Variants in SLIT3 observed in about 807,000 individuals in gnomAD.
SLIT3 encodes slit homolog 3 protein.
A neutral mutation model predicts 184.0 loss-of-function variants in SLIT3; 68 were observed. That is an observed-to-expected ratio of 0.37 (90% CI 0.30 to 0.45). The LOEUF (loss-of-function observed/expected upper bound fraction) is 0.45. SLIT3 is among the 20% of genes least tolerant of loss of function. SLIT3 has a pLI of 1.00. For synonymous variants in SLIT3, 831 were observed against 828.6 expected (o/e 1.00, Z -0.05); for missense variants, 1,707 against 2,026.0 (o/e 0.84, Z 3.02).
At position 168,962,395 on chromosome 5, in the gene SLIT3, A is replaced by G. The variant is rs112784201; in HGVS notation, c.414-79059T>C. 5.6e-3 allele frequency among the ~76,000 whole-genome samples: 846 copies of G among 152,044 alleles called. 6 individuals are homozygous for G. The highest frequency in any genetic ancestry group is 0.019 in the African/African-American group (803 of 41,452). On this transcript the variant is annotated intron_variant, in intron 4 of 35. Transcript: ENST00000519560. ...TCAGAGACTTTTTCCCCAGACAAAT[A>G]ATGATTTATGGGAGGCTGTTCTGTT... is the stretch of plus-strand genomic sequence containing the variant.
rs187046130 is a variant in SLIT3, at chr5:168,898,349, C to T, written c.414-15013G>A. 2.2e-3 allele frequency among the ~76,000 whole-genome samples: 330 copies of T among 151,466 alleles called. 3 individuals are homozygous for T. Among genetic ancestry groups the T allele is most frequent in the African/African-American group, 7.6e-3 (314 of 41,284 alleles). On this transcript the variant is annotated intron_variant, in intron 4 of 35. Transcript: ENST00000519560. ...AGAAAAGTGGCAGGAAGTGGTCCCC[C>T]GGGATGTCAGGCACAGATGAATCTA...
At chr5:169,075,324 C>T (rs188433) in intron 4 of SLIT3, among the ~76,000 whole-genome samples, 106,113 of 152,050 alleles carry the variant, frequency 0.7, 37,541 homozygotes, top group East Asian at 0.84. Flanking sequence ...TGTATTTTTC[C>T]TGAAGCAACA....
chr5:168,788,088 G>A (rs1701198448), intron 11 of SLIT3, among the ~76,000 whole-genome samples: 1 of 151,922 alleles, frequency 6.6e-6, no homozygotes, highest in Non-Finnish European at 1.5e-5. Flanking sequence ...CTTTTCCTAC[G>A]AGACAGGAAG....
At position 168,722,924 on chromosome 5, in the gene SLIT3, TG is replaced by T. The variant is rs777933399; in HGVS notation, c.2411+8del. On this transcript the variant is annotated splice_region_variant and intron_variant, in intron 22 of 35. Coordinates refer to ENST00000519560, the MANE Select transcript of SLIT3 (RefSeq NM_003062.4). Reference sequence around the variant, plus strand: ...GGGCATGGTAAACACAGCATCTCAGTGTACTCACAGAGTGGAGAGGTGAGAC... The same window carrying T: ...GGGCATGGTAAACACAGCATCTCAGTTACTCACAGAGTGGAGAGGTGAGAC... 3.1e-6 allele frequency: 5 copies of T among 1,603,030 alleles called. No individual in the cohort carries two copies. Among genetic ancestry groups the T allele is most frequent in the Non-Finnish European group, 4.3e-6 (5 of 1,169,836 alleles).
intron 4 of SLIT3, among the ~76,000 whole-genome samples, chr5:168,949,035 A>T (rs555716711): frequency 7.9e-5 from 12 of 152,176 alleles, no homozygotes; most frequent in African/African-American, 2.9e-4. Context: ...GCCTATGCCC[A>T]CCCCACCTCT....
chr5:169,277,809 G>A (rs545813613), intron 1 of SLIT3, among the ~76,000 whole-genome samples: 3 of 152,264 alleles, frequency 2.0e-5, no homozygotes, highest in South Asian at 2.1e-4. Flanking sequence ...GTAGTCCTAC[G>A]TTTAAATTTT....
intron 16 of SLIT3, 91 bp from the exon 17 acceptor site, chr5:168,754,098 C>T (rs1192412541): frequency 2.1e-6 from 3 of 1,395,512 alleles, no homozygotes; most frequent in South Asian, 2.7e-5. Flanking sequence ...CTGCTGGGGA[C>T]TCTCTGGGGC....
In SLIT3 at chr5:169,035,647, G is replaced by GAAAAA. The variant is rs201819555; in HGVS notation, c.414-152316_414-152312dup. ...CTGGGTGACAGTGAGACTGCATCTG[G>GAAAAA]AAAAAAAAAAAAAAAAAAAAGAATT... is the stretch of plus-strand genomic sequence containing the variant. On this transcript the variant is annotated intron_variant, in intron 4 of 35. Transcript: ENST00000519560. Among the ~76,000 whole-genome samples, 410 of 103,544 alleles carry GAAAAA rather than the reference G, an allele frequency of 4.0e-3. 3 individuals carry two copies. Among genetic ancestry groups the GAAAAA allele is most frequent in the African/African-American group, 0.013 (347 of 27,374 alleles). The allele number at this position is 103,544 out of a possible 152,430, so 67.9% of individuals were successfully genotyped here.
At chr5:168,884,200 G>C (rs1378093624) in intron 4 of SLIT3, among the ~76,000 whole-genome samples, 1 of 151,014 alleles carries the variant, frequency 6.6e-6, no homozygotes, top group African/African-American at 2.4e-5. Context: ...GGATCTCAAC[G>C]AGTAATCAAT....
chr5:168,778,257 T>C (rs1403224067), intron 12 of SLIT3, among the ~76,000 whole-genome samples: 1 of 152,252 alleles, frequency 6.6e-6, no homozygotes, highest in Non-Finnish European at 1.5e-5. Flanking sequence ...TCTTCATTTT[T>C]CTGATAAGAA....
chr5:169,168,465 T>C (rs1379493759), intron 4 of SLIT3, among the ~76,000 whole-genome samples: 5 of 152,336 alleles, frequency 3.3e-5, no homozygotes, highest in Admixed American at 1.3e-4. Context: ...ACTAGTCAGA[T>C]GATAAAAATA....
intron 3 of SLIT3, among the ~76,000 whole-genome samples, chr5:169,240,719 A>G (rs1360902665): frequency 6.6e-6 from 1 of 151,354 alleles, no homozygotes; most frequent in East Asian, 1.9e-4. Context: ...GTGCATTTAC[A>G]TATAAGGTAA....
intron 4 of SLIT3, among the ~76,000 whole-genome samples, chr5:169,030,793 G>A (rs1267827206): frequency 6.6e-6 from 1 of 152,130 alleles, no homozygotes; most frequent in Non-Finnish European, 1.5e-5. Flanking sequence ...TCTATTTAAT[G>A]GTAAGAAAAC....
intron 4 of SLIT3, among the ~76,000 whole-genome samples, chr5:168,884,631 A>G (rs1413884064): frequency 7.3e-6 from 1 of 137,712 alleles, no homozygotes; most frequent in Non-Finnish European, 1.5e-5. Context: ...ATAACCTATT[A>G]TTTTTGCTTG....
chr5:169,262,482 G>A (rs2086802242), intron 1 of SLIT3, among the ~76,000 whole-genome samples: 1 of 152,160 alleles, frequency 6.6e-6, no homozygotes, highest in African/African-American at 2.4e-5. Context: ...CCAGGTGACG[G>A]CAGCAGAGTG....
intron 32 of SLIT3, 120 bp downstream of exon 32, chr5:168,683,846 T>G: frequency 3.4e-6 from 3 of 893,688 alleles, no homozygotes; most frequent in Non-Finnish European, 4.7e-6. Context: ...CACATGTGCG[T>G]GGTAGGGGCG....
intron 4 of SLIT3, among the ~76,000 whole-genome samples, chr5:169,092,148 G>A (rs866800447): frequency 1.8e-4 from 27 of 152,154 alleles, no homozygotes; most frequent in Non-Finnish European, 3.7e-4. Context: ...GTTTAAACCC[G>A]AGAGGTGGAG....
intron 4 of SLIT3, among the ~76,000 whole-genome samples, chr5:169,169,451 A>G (rs17556265): frequency 0.055 from 8,332 of 152,304 alleles, 327 homozygotes; most frequent in South Asian, 0.13. Flanking sequence ...AAATAATGGA[A>G]TCAGGTTTCA....
Position 168,663,588 on chromosome 5 carries a change from A to C in SLIT3, c.*2866T>G, listed in dbSNP as rs758418839. On this transcript the variant is annotated 3_prime_UTR_variant, in exon 36 of 36. Transcript: ENST00000519560. The stretch of plus-strand genomic sequence containing the variant: ...GCTGGCACCTGTGGCCCAGTTTAGC[A>C]TGCACAGCTCTTTGTGGTCAAAACC... 1 of 152,246 alleles carries C rather than the reference A, an allele frequency of 6.6e-6. No homozygotes were observed. Among genetic ancestry groups the C allele is most frequent in the Non-Finnish European group, 1.5e-5 (1 of 68,176 alleles). The allele number at this position is 152,246 out of a possible 1,614,324, so 9.4% of individuals were successfully genotyped here.
Sources: allele counts gnomAD v4.1 joint callset (sites outside exome capture counted in the v4.1 genomes callset), GRCh38; gene constraint gnomAD v4.1.1; transcripts MANE v1.5; gene names NCBI Gene and HGNC (gene_info 2026-07-23, HGNC 2026-07-21).